PXT1: variants seen among roughly 807,000 people sequenced by gnomAD.
PXT1 encodes peroxisomal testis-specific protein 1.
In PXT1, 11 loss-of-function variants were observed where a neutral mutation model predicts 11.0. That is an observed-to-expected ratio of 1.00 (90% CI 0.63 to 1.66). The LOEUF (loss-of-function observed/expected upper bound fraction) is 1.66. Among genes scored for constraint, PXT1 ranks in the 40% most tolerant of loss-of-function variants. The pLI is 0.00. For missense variants in PXT1, 141 were observed against 155.5 expected, an observed-to-expected ratio of 0.91 and a Z score of 0.49; for synonymous variants, 43 against 51.4, an observed-to-expected ratio of 0.84 and a Z score of 0.70.
intron 3 of PXT1, among the ~76,000 whole-genome samples, chr6:36,416,735 T>C (rs1412797039): frequency 6.6e-6 from 1 of 152,236 alleles, no homozygotes; most frequent in African/African-American, 2.4e-5. Flanking sequence ...CTAGACCTGG[T>C]GATAGACACT....
intron 3 of PXT1, among the ~76,000 whole-genome samples, chr6:36,412,991 T>C (rs1353598485): frequency 6.7e-6 from 1 of 150,356 alleles, no homozygotes; most frequent in East Asian, 1.9e-4. Context: ...AGAGAAAAGA[T>C]AGGTAATACA....
intron 3 of PXT1, among the ~76,000 whole-genome samples, chr6:36,420,194 A>T (rs942268163): frequency 4.6e-5 from 7 of 152,166 alleles, no homozygotes; most frequent in South Asian, 4.1e-4. Context: ...TCTATCTATC[A>T]ATCAAATTTT....
rs562154061 is a variant in PXT1 at position 36,442,557 on chromosome 6, G to C, written c.-152C>G. On this transcript the variant is annotated 5_prime_UTR_variant, in exon 1 of 5. Transcript: ENST00000454782. Reference sequence around the variant, plus strand: ...TACCTTCATGAAACTCAGTATTTGAGAAAAATGTGGAGTTTTTCCCCCTTT... The same window carrying C: ...TACCTTCATGAAACTCAGTATTTGACAAAAATGTGGAGTTTTTCCCCCTTT... 1.3e-5 allele frequency: 2 copies of C among 152,252 alleles called. No individual in the cohort carries two copies. The highest frequency in any genetic ancestry group is 1.9e-4 in the East Asian group (1 of 5,182). The allele number at this position is 152,252 out of a possible 1,614,324, so 9.4% of individuals were successfully genotyped here. A position where few individuals can be genotyped will look rare whatever the true frequency, so the allele number is the denominator to read the frequency against.
At position 36,429,271 on chromosome 6, in the gene PXT1, C is replaced by CA. The variant is rs1204448264; in HGVS notation, c.-9-3181dup. Among the ~76,000 whole-genome samples the CA allele has an allele frequency of 1.7e-3, 116 of 69,498 alleles. 2 individuals carry two copies. Among genetic ancestry groups the CA allele is most frequent in the Middle Eastern group, 6.3e-3 (1 of 160 alleles). 45.6% of individuals were successfully genotyped at this position (69,498 alleles called of 152,430 possible). On this transcript the variant is annotated intron_variant, in intron 2 of 4. Coordinates refer to ENST00000454782, the MANE Select transcript of PXT1 (RefSeq NM_152990.4). Reference sequence around the variant, plus strand: ...ACAAAGTGAGAGTGAGACCCTGTCTCAAAAAAAAAAAAAAATTGCATAATT... The same window carrying CA: ...ACAAAGTGAGAGTGAGACCCTGTCTCAAAAAAAAAAAAAAAATTGCATAATT...
At chr6:36,441,031 C>T (rs1225891160) in intron 1 of PXT1, among the ~76,000 whole-genome samples, 1 of 148,454 alleles carries the variant, frequency 6.7e-6, no homozygotes, top group Non-Finnish European at 1.5e-5. Flanking sequence ...CTTAGGGAGG[C>T]AGAAGCAGGA....
chr6:36,432,446 C>T (rs922548745), intron 2 of PXT1, among the ~76,000 whole-genome samples: 1 of 152,082 alleles, frequency 6.6e-6, no homozygotes, highest in African/African-American at 2.4e-5. Context: ...TGAGACTCAC[C>T]TCAAACCACA....
At chr6:36,430,581 G>A (rs376892973) in intron 2 of PXT1, among the ~76,000 whole-genome samples, 1 of 152,048 alleles carries the variant, frequency 6.6e-6, no homozygotes, top group Non-Finnish European at 1.5e-5. Flanking sequence ...TCTAGAAGCC[G>A]AAAAAGATAA....
At chr6:36,424,846 A>C (rs1774580900) in intron 3 of PXT1, among the ~76,000 whole-genome samples, 1 of 151,968 alleles carries the variant, frequency 6.6e-6, no homozygotes, top group African/African-American at 2.4e-5. Context: ...AAATACAAAA[A>C]TTAGCCGGGC....
Position 36,391,674 on chromosome 6 carries a change from G to T in PXT1, c.*96C>A. The T allele has an allele frequency of 1.2e-6, 1 of 845,384 alleles. No homozygotes were observed. The highest frequency in any genetic ancestry group is 2.0e-6 in the Non-Finnish European group (1 of 494,682). The allele number at this position is 845,384 out of a possible 1,614,324, so 52.4% of individuals were successfully genotyped here. ...GTGATGGGTACAAAAAGAGGGAGAC[G>T]GAGAAGGGTGTTCTTCCCATCTGTC... On this transcript the variant is annotated 3_prime_UTR_variant, in exon 5 of 5. Coordinates refer to ENST00000454782, the MANE Select transcript of PXT1 (RefSeq NM_152990.4).
intron 3 of PXT1, among the ~76,000 whole-genome samples, chr6:36,412,357 T>C (rs762066476): frequency 2.2e-5 from 3 of 138,834 alleles, no homozygotes; most frequent in Non-Finnish European, 4.6e-5. Context: ...GTCTCAAAAA[T>C]AAAAACAAAA....
chr6:36,427,055 G>T (rs1306698307), intron 2 of PXT1, among the ~76,000 whole-genome samples: 1 of 149,976 alleles, frequency 6.7e-6, no homozygotes. Flanking sequence ...TGTCGCCCAG[G>T]CTGGAGTGCA....
At chr6:36,404,844 GC>G (rs375131109) in intron 3 of PXT1, among the ~76,000 whole-genome samples, 82 of 152,234 alleles carry the variant, frequency 5.4e-4, no homozygotes, top group African/African-American at 1.7e-3. Context: ...TGTAATCCCA[GC>G]TACTAAGGAG....
chr6:36,398,057 A>G (rs954904571), intron 4 of PXT1, among the ~76,000 whole-genome samples: 14 of 152,176 alleles, frequency 9.2e-5, no homozygotes, highest in African/African-American at 3.4e-4. Context: ...TAAGTAGTCA[A>G]TTATAAATGG....
intron 4 of PXT1, among the ~76,000 whole-genome samples, chr6:36,399,319 T>C (rs563111710): frequency 6.6e-6 from 1 of 152,220 alleles, no homozygotes; most frequent in African/African-American, 2.4e-5. Flanking sequence ...CTAATTTTTG[T>C]GTTTTTCAGT....
At chr6:36,418,694 C>T (rs1774484866) in intron 3 of PXT1, among the ~76,000 whole-genome samples, 1 of 152,210 alleles carries the variant, frequency 6.6e-6, no homozygotes, top group African/African-American at 2.4e-5. Flanking sequence ...AAAAAATCAC[C>T]TTTCACCATG....
intron 3 of PXT1, among the ~76,000 whole-genome samples, chr6:36,421,202 G>A (rs1203458151): frequency 1.3e-5 from 2 of 152,048 alleles, no homozygotes; most frequent in Non-Finnish European, 2.9e-5. Context: ...AGGTGTGGCT[G>A]ACGCCTGTAA....
chr6:36,400,332 C>A, intron 4 of PXT1, 122 bp downstream of exon 4: 2 of 1,201,942 alleles, frequency 1.7e-6, no homozygotes, highest in South Asian at 2.9e-5. Flanking sequence ...ATTTGGTAAT[C>A]CAGACAGCAT....
intron 3 of PXT1, among the ~76,000 whole-genome samples, chr6:36,402,028 C>T (rs539423396): frequency 1.7e-3 from 254 of 151,208 alleles, no homozygotes; most frequent in African/African-American, 6.1e-3. Flanking sequence ...CCAAGCTGGT[C>T]TTGGTTTTAA....
At chr6:36,412,432 T>G (rs1157206909) in intron 3 of PXT1, among the ~76,000 whole-genome samples, 1 of 148,956 alleles carries the variant, frequency 6.7e-6, no homozygotes, top group African/African-American at 2.5e-5. Flanking sequence ...GAGGCCGAGG[T>G]GGGCGGATCA....
Sources: allele counts gnomAD v4.1 joint callset (sites outside exome capture counted in the v4.1 genomes callset), GRCh38; gene constraint gnomAD v4.1.1; transcripts MANE v1.5; gene names NCBI Gene and HGNC (gene_info 2026-07-23, HGNC 2026-07-21).